The following AVEN variants were observed in gnomAD, a reference collection of about 807,000 sequenced individuals.
AVEN encodes apoptosis and caspase activation inhibitor, also known as cell death regulator Aven.
AVEN carries 41 observed loss-of-function variants against 38.1 expected under a neutral mutation model. The observed-to-expected ratio is 1.08, with a 90% CI of 0.84 to 1.40. The LOEUF (loss-of-function observed/expected upper bound fraction) is 1.40. AVEN is among the 40% of genes most tolerant of loss of function. AVEN has a pLI of 0.00. For synonymous variants in AVEN, 206 were observed against 171.8 expected, an observed-to-expected ratio of 1.20 and a Z score of -1.56; for missense variants, 605 against 438.8, an observed-to-expected ratio of 1.38 and a Z score of -3.38.
At chr15:33,872,442 T>C (rs1891010576) in intron 3 of AVEN, among the ~76,000 whole-genome samples, 1 of 152,192 alleles carries the variant, frequency 6.6e-6, no homozygotes, top group Admixed American at 6.5e-5. Flanking sequence ...CATATGAGCC[T>C]GGGGCCCAGA....
At chr15:33,929,003 T>A (rs982820053) in intron 2 of AVEN, among the ~76,000 whole-genome samples, 1 of 152,088 alleles carries the variant, frequency 6.6e-6, no homozygotes, top group African/African-American at 2.4e-5. Context: ...CATAACGGCC[T>A]CAAGAAACTC....
chr15:33,950,061 A>C (rs1234330958), intron 2 of AVEN, among the ~76,000 whole-genome samples: 5 of 152,366 alleles, frequency 3.3e-5, no homozygotes, highest in Non-Finnish European at 4.4e-5. Flanking sequence ...TGCTATTTGC[A>C]ACAATGTGGA....
intron 2 of AVEN, among the ~76,000 whole-genome samples, chr15:33,970,883 T>C (rs1895608063): frequency 6.6e-6 from 1 of 151,990 alleles, no homozygotes; most frequent in Non-Finnish European, 1.5e-5. Flanking sequence ...AAATGAATAC[T>C]ACCTTGCTCC....
chr15:34,030,213 C>G (rs1327727806), intron 1 of AVEN, among the ~76,000 whole-genome samples: 1 of 152,160 alleles, frequency 6.6e-6, no homozygotes, highest in African/African-American at 2.4e-5. Context: ...GAGATCACAC[C>G]ACTGCATTCC....
chr15:33,920,671 T>C (rs1483704070), intron 2 of AVEN, among the ~76,000 whole-genome samples: 2 of 152,230 alleles, frequency 1.3e-5, no homozygotes, highest in Non-Finnish European at 2.9e-5. Flanking sequence ...GACTGTGCTC[T>C]TAAGGACAAG....
chr15:33,942,835 A>G (rs182528922), intron 2 of AVEN, among the ~76,000 whole-genome samples: 1 of 152,322 alleles, frequency 6.6e-6, no homozygotes, highest in African/African-American at 2.4e-5. Flanking sequence ...AGGACTTATC[A>G]AAAGTTCTAT....
chr15:33,955,288 AC>A (rs1259298399), intron 2 of AVEN, among the ~76,000 whole-genome samples: 17 of 152,322 alleles, frequency 1.1e-4, no homozygotes, highest in African/African-American at 4.1e-4. Flanking sequence ...CTAGATAGCA[AC>A]CAAATTGTGA....
At chr15:34,066,016 G>C (rs1900501159) in exon 4 of AVEN, 1 of 152,274 alleles carries the variant, frequency 6.6e-6, no homozygotes, top group Admixed American at 6.5e-5. Context: ...AGCATCATCA[G>C]CCTCTCACAG....
downstream of AVEN, chr15:33,864,227 C>A (rs758758994): frequency 6.5e-7 from 1 of 1,534,592 alleles, no homozygotes; most frequent in African/African-American, 1.4e-5. Flanking sequence ...GTTAGATCTC[C>A]CTTTCCTAAA....
At chr15:34,040,879 G>A (rs180820566), upstream of AVEN, among the ~76,000 whole-genome samples, 1 of 148,440 alleles carries the variant, frequency 6.7e-6, no homozygotes, top group East Asian at 2.0e-4. Context: ...TTGTACATGG[G>A]CAACAGAAGG....
intron 2 of AVEN, among the ~76,000 whole-genome samples, chr15:33,887,645 T>A (rs993131075): frequency 6.6e-6 from 1 of 151,750 alleles, no homozygotes; most frequent in Non-Finnish European, 1.5e-5. Context: ...AGACTCTGAG[T>A]TGAACAAGAC....
At chr15:33,941,206 G>A (rs990627969) in intron 2 of AVEN, among the ~76,000 whole-genome samples, 3 of 152,076 alleles carry the variant, frequency 2.0e-5, no homozygotes, top group Admixed American at 2.0e-4. Context: ...TATAAAACTG[G>A]TATTCCAAGG....
At chr15:33,982,880 A>G (rs532408432) in intron 2 of AVEN, among the ~76,000 whole-genome samples, 1 of 152,116 alleles carries the variant, frequency 6.6e-6, no homozygotes, top group East Asian at 1.9e-4. Flanking sequence ...CCAACTTCTG[A>G]GGGAGATCAG....
intron 2 of AVEN, among the ~76,000 whole-genome samples, chr15:33,921,092 T>C (rs950453824): frequency 7.2e-5 from 11 of 152,182 alleles, no homozygotes; most frequent in South Asian, 2.1e-4. Context: ...CGTGTTTCAA[T>C]AGGTAAATTT....
At chr15:33,914,044 T>C (rs1379943002) in intron 2 of AVEN, among the ~76,000 whole-genome samples, 1 of 152,114 alleles carries the variant, frequency 6.6e-6, no homozygotes, top group African/African-American at 2.4e-5. Flanking sequence ...AAGTTAACAA[T>C]AGCACAAAGA....
At chr15:33,853,577 T>C in the AVEN span, 1 of 1,613,906 alleles carries the variant, frequency 6.2e-7, no homozygotes, top group East Asian at 2.2e-5. Context: ...TATGGAGATC[T>C]CTACGGAGCA....
chr15:33,877,773 A>C (rs560340026), intron 2 of AVEN, among the ~76,000 whole-genome samples: 78 of 151,876 alleles, frequency 5.1e-4, no homozygotes, highest in Non-Finnish European at 8.7e-4. Flanking sequence ...ACATGGTAAA[A>C]CCCCGTCTCT....
At chr15:34,031,092 G>A (rs1322247725) in intron 1 of AVEN, among the ~76,000 whole-genome samples, 3 of 138,590 alleles carry the variant, frequency 2.2e-5, no homozygotes, top group Non-Finnish European at 4.6e-5. Context: ...TCACAACACT[G>A]ATAATAAGCC....
intron 2 of AVEN, among the ~76,000 whole-genome samples, chr15:33,902,916 G>A (rs928434325): frequency 6.6e-6 from 1 of 152,130 alleles, no homozygotes; most frequent in African/African-American, 2.4e-5. Context: ...ATAGTTTGAT[G>A]ATCAATTTAC....
Sources: gnomAD v4.1 joint callset for allele counts (sites outside exome capture counted in the v4.1 genomes callset) on GRCh38, gnomAD v4.1.1 for gene constraint, MANE v1.5 for transcripts, NCBI Gene and HGNC (gene_info 2026-07-23, HGNC 2026-07-21) for gene names.